The following NTF3 variants were observed in gnomAD, a reference collection of about 807,000 sequenced individuals.
The protein encoded by NTF3 is neurotrophin-3.
Under a neutral mutation model 26.3 loss-of-function variants are expected in NTF3, and 8 were observed. The observed-to-expected ratio is 0.30, with a 90% CI of 0.18 to 0.55. The LOEUF is 0.55. NTF3 is among the 20% of genes least tolerant of loss of function. The pLI, the probability that NTF3 is intolerant of heterozygous loss-of-function variation, is 0.93. For synonymous variants in NTF3, 154 were observed against 145.5 expected, an observed-to-expected ratio of 1.06 and a Z score of -0.42; for missense variants, 276 against 352.9, an observed-to-expected ratio of 0.78 and a Z score of 1.75.
intron 1 of NTF3, among the ~76,000 whole-genome samples, chr12:5,462,270 T>C (rs969903709): frequency 6.6e-6 from 1 of 152,226 alleles, no homozygotes; most frequent in African/African-American, 2.4e-5. Context: ...CCAATTACTT[T>C]GATTTAGAAC....
chr12:5,494,011 T>TC lies in NTF3; in HGVS notation c.19-180dup. On this transcript the variant is annotated intron_variant, in intron 1 of 1. Transcript: ENST00000423158. This position sits in a 1 kb window ranked among gnomAD's most constrained non-coding sequence, Gnocchi z 8.3. Reference sequence around the variant, plus strand: ...AGACCTGGAGTGCATTCGCAGTATCTCCCGGGGGTGGGGGAAAGAAATCAC... The same window carrying TC: ...AGACCTGGAGTGCATTCGCAGTATCTCCCCGGGGGTGGGGGAAAGAAATCAC... 1.6e-6 allele frequency: 1 copy of TC among 609,676 alleles called. No homozygotes were observed. Among genetic ancestry groups the TC allele is most frequent in the Non-Finnish European group, 2.9e-6 (1 of 348,166 alleles). The allele number at this position is 609,676 out of a possible 1,614,324, so 37.8% of individuals were successfully genotyped here. A position where few individuals can be genotyped will look rare whatever the true frequency, so the allele number is the denominator to read the frequency against.
At position 5,452,756 on chromosome 12, in the gene NTF3, T is replaced by C. The variant is rs147164980; in HGVS notation, c.18+20414T>C. 3.5e-3 allele frequency among the ~76,000 whole-genome samples: 527 copies of C among 152,324 alleles called. 4 individuals are homozygous for C. The highest frequency in any genetic ancestry group is 0.011 in the African/African-American group (477 of 41,586). Reference sequence around the variant, plus strand: ...ACGCATCCCCCCACCTAGGGCAGCCTTGGGAAGAGCACTCAGGATTATGAG... The same window carrying C: ...ACGCATCCCCCCACCTAGGGCAGCCCTGGGAAGAGCACTCAGGATTATGAG... On this transcript the variant is annotated intron_variant, in intron 1 of 1. Coordinates refer to ENST00000423158, the MANE Select transcript of NTF3 (RefSeq NM_001102654.2).
chr12:5,462,735 T>G (rs1940540013), intron 1 of NTF3, among the ~76,000 whole-genome samples: 1 of 152,200 alleles, frequency 6.6e-6, no homozygotes. Flanking sequence ...AAATCTCTCT[T>G]TCCTGAACTA....
intron 1 of NTF3, among the ~76,000 whole-genome samples, chr12:5,489,613 C>T (rs1591608662): frequency 6.6e-6 from 1 of 152,190 alleles, no homozygotes; most frequent in East Asian, 1.9e-4. Flanking sequence ...GGTGATCTCA[C>T]CCCTAAGCAG....
chr12:5,439,945 C>T (rs1399740262), intron 1 of NTF3, among the ~76,000 whole-genome samples: 5 of 152,120 alleles, frequency 3.3e-5, no homozygotes, highest in Admixed American at 2.0e-4. Flanking sequence ...AGACTGAGGT[C>T]CCCAGGCTGT....
At position 5,445,417 on chromosome 12, in the gene NTF3, C is replaced by A. The variant is rs542045710; in HGVS notation, c.18+13075C>A. Among the ~76,000 whole-genome samples the A allele has an allele frequency of 9.6e-4, 145 of 151,736 alleles. 1 individual carries two copies. The highest frequency in any genetic ancestry group is 1.9e-3 in the Non-Finnish European group (126 of 67,978). ...TCAGTAGTGGATATCTGGATAATTT[C>A]TTTCAAGGCCACATTGCTTAGCATG... On this transcript the variant is annotated intron_variant, in intron 1 of 1. Coordinates refer to ENST00000423158, the MANE Select transcript of NTF3 (RefSeq NM_001102654.2).
chr12:5,437,905 G>A (rs1362652122), intron 1 of NTF3, among the ~76,000 whole-genome samples: 1 of 152,166 alleles, frequency 6.6e-6, no homozygotes, highest in Non-Finnish European at 1.5e-5. Flanking sequence ...GGGGACACGT[G>A]AGCGTAGGAG....
chr12:5,483,098 C>G (rs1041743690), intron 1 of NTF3, among the ~76,000 whole-genome samples: 3 of 151,268 alleles, frequency 2.0e-5, no homozygotes, highest in African/African-American at 7.3e-5. Context: ...TCTCTCTCTC[C>G]CTCTCCCTCA....
chr12:5,472,775 C>T (rs1379054087), intron 1 of NTF3, among the ~76,000 whole-genome samples: 1 of 152,150 alleles, frequency 6.6e-6, no homozygotes, highest in African/African-American at 2.4e-5. Flanking sequence ...GGCAGAGGGA[C>T]GTGGCAGGGT....
At position 5,456,614 on chromosome 12, in the gene NTF3, C is replaced by T. The variant is rs1219611027; in HGVS notation, c.18+24272C>T. Among the ~76,000 whole-genome samples, 1 of 150,972 alleles carries T rather than the reference C, an allele frequency of 6.6e-6. No homozygotes were observed. The highest frequency in any genetic ancestry group is 1.5e-5 in the Non-Finnish European group (1 of 67,994). On this transcript the variant is annotated intron_variant, in intron 1 of 1. Transcript: ENST00000423158. The surrounding 1 kb of genome is among the most constrained non-coding windows in gnomAD (Gnocchi z 4.4). ...CTCTGGGGGTCCTCTTCCACCCCCA[C>T]CCCCACCCCCAGCCCCTGGAGCAGG...
At chr12:5,484,333 AG>A (rs1565396261) in intron 1 of NTF3, among the ~76,000 whole-genome samples, 1 of 152,196 alleles carries the variant, frequency 6.6e-6, no homozygotes, top group Non-Finnish European at 1.5e-5. Flanking sequence ...CCAGAAAATT[AG>A]GCTGATAATA....
chr12:5,464,802 G>A (rs902369616), intron 1 of NTF3, among the ~76,000 whole-genome samples: 7 of 152,192 alleles, frequency 4.6e-5, no homozygotes, highest in African/African-American at 1.2e-4. Context: ...AATTTATTGA[G>A]TATCCTATGT....
chr12:5,480,737 CGA>C (rs1940780683), intron 1 of NTF3, among the ~76,000 whole-genome samples: 1 of 139,224 alleles, frequency 7.2e-6, no homozygotes, highest in Non-Finnish European at 1.5e-5. Flanking sequence ...CGTTTCATGC[CGA>C]GAGTGACCGA....
At chr12:5,461,964 A>G (rs1323066741) in intron 1 of NTF3, among the ~76,000 whole-genome samples, 1 of 152,238 alleles carries the variant, frequency 6.6e-6, no homozygotes, top group East Asian at 1.9e-4. Context: ...TATGATGTGT[A>G]TGGGGAAATT....
intron 1 of NTF3, among the ~76,000 whole-genome samples, chr12:5,481,471 CCACACATACATGCACACCACAGATACA>C (rs1940792950): frequency 8.0e-5 from 1 of 12,446 alleles, no homozygotes; most frequent in Non-Finnish European, 1.9e-4. Context: ...CAGAATAACA[CCACACATACATGCACACCACAGATACA>C]CAGAATACCA....
chr12:5,459,102 T>A (rs1423965599), intron 1 of NTF3, among the ~76,000 whole-genome samples: 1 of 152,182 alleles, frequency 6.6e-6, no homozygotes, highest in African/African-American at 2.4e-5. Flanking sequence ...TCTCCATTTT[T>A]CCCCTGGTGA....
At chr12:5,464,203 A>G (rs997378114) in intron 1 of NTF3, among the ~76,000 whole-genome samples, 3 of 152,196 alleles carry the variant, frequency 2.0e-5, no homozygotes, top group Non-Finnish European at 4.4e-5. Flanking sequence ...CAGTTCAGCA[A>G]ACACTTTTGA....
chr12:5,493,531 C>T lies in NTF3; in HGVS notation c.19-663C>T, dbSNP rs1046611856. On this transcript the variant is annotated intron_variant, in intron 1 of 1. Transcript: ENST00000423158. ...GGATGGAGCAGATCAGTTGGTGATG[C>T]GTATGTATCAGAAAGCTCGGCAGAG... Among the ~76,000 whole-genome samples, 12 of 152,060 alleles carry T rather than the reference C, an allele frequency of 7.9e-5. No individual in the cohort carries two copies. The East Asian group carries it at 1.2e-3, about 15-fold the overall frequency.
intron 1 of NTF3, among the ~76,000 whole-genome samples, chr12:5,475,776 C>G (rs984305720): frequency 3.3e-5 from 5 of 151,464 alleles, no homozygotes; most frequent in African/African-American, 1.2e-4. Flanking sequence ...GTCGGGGCTG[C>G]AGTGAGCTGT....
Sources: gnomAD v4.1 joint callset for allele counts (sites outside exome capture counted in the v4.1 genomes callset) on GRCh38, gnomAD v4.1.1 for gene constraint, Gnocchi (gnomAD v3.1) non-coding constraint, MANE v1.5 for transcripts, NCBI Gene and HGNC (gene_info 2026-07-23, HGNC 2026-07-21) for gene names.